The following SRRM3 variants were observed in gnomAD, a reference collection of about 807,000 sequenced individuals.
The protein encoded by SRRM3 is serine/arginine repetitive matrix protein 3.
In SRRM3, 27 loss-of-function variants were observed where a neutral mutation model predicts 66.2. That is an observed-to-expected ratio of 0.41 (90% CI 0.30 to 0.56). The LOEUF is 0.56. SRRM3 is among the 20% of genes least tolerant of loss of function. The pLI is 0.32. For synonymous variants in SRRM3, 391 were observed against 414.9 expected (o/e 0.94, Z 0.70); for missense variants, 918 against 991.9 (o/e 0.93, Z 1.00).
intron 1 of SRRM3, among the ~76,000 whole-genome samples, chr7:76,216,966 G>A (rs1018772189): frequency 1.3e-5 from 2 of 152,188 alleles, no homozygotes; most frequent in Admixed American, 6.5e-5. Context: ...CTTGATTGGA[G>A]CTGAGTCAAT....
intron 3 of SRRM3, among the ~76,000 whole-genome samples, chr7:76,258,568 G>C (rs1185993562): frequency 2.0e-5 from 3 of 151,578 alleles, no homozygotes; most frequent in Non-Finnish European, 2.9e-5. Context: ...CAAAAAATTA[G>C]CTGGGCGTGG....
chr7:76,222,841 C>T (rs1800760638), intron 1 of SRRM3, among the ~76,000 whole-genome samples: 1 of 152,018 alleles, frequency 6.6e-6, no homozygotes, highest in South Asian at 2.1e-4. Context: ...GTCTCGAACT[C>T]CTGACCTCCA....
chr7:76,248,709 T>C (rs1197603907), intron 3 of SRRM3, among the ~76,000 whole-genome samples: 1 of 152,206 alleles, frequency 6.6e-6, no homozygotes, highest in Non-Finnish European at 1.5e-5. Context: ...CAGGGTACAG[T>C]GGCTCAAGCC....
chr7:76,204,741 T>C (rs1800253545), intron 1 of SRRM3, among the ~76,000 whole-genome samples: 1 of 152,094 alleles, frequency 6.6e-6, no homozygotes, highest in Non-Finnish European at 1.5e-5. Context: ...AAGGGGTCCC[T>C]TCCCACCTCT....
intron 1 of SRRM3, among the ~76,000 whole-genome samples, chr7:76,206,855 G>A (rs1800312944): frequency 1.3e-5 from 2 of 152,212 alleles, no homozygotes; most frequent in African/African-American, 4.8e-5. Context: ...TGCAGAGGCT[G>A]CTGTGCCGGC....
At chr7:76,202,572 G>GTCT (rs1800179239) in intron 1 of SRRM3, among the ~76,000 whole-genome samples, 1 of 152,170 alleles carries the variant, frequency 6.6e-6, no homozygotes, top group Non-Finnish European at 1.5e-5. Flanking sequence ...CTGGCAAGGA[G>GTCT]AACTGGGTCT....
chr7:76,227,160 G>A (rs2116977660), intron 1 of SRRM3, among the ~76,000 whole-genome samples: 1 of 143,634 alleles, frequency 7.0e-6, no homozygotes, highest in South Asian at 2.4e-4. Context: ...CAGCCAATCA[G>A]TGGTAGGGTA....
chr7:76,258,395 T>C (rs1554608040), intron 3 of SRRM3, among the ~76,000 whole-genome samples: 1 of 151,966 alleles, frequency 6.6e-6, no homozygotes, highest in East Asian at 1.9e-4. Flanking sequence ...AGGGCGGAGA[T>C]AGGCCAGGAG....
intron 11 of SRRM3, among the ~76,000 whole-genome samples, chr7:76,272,132 C>T (rs188032772): frequency 5.1e-4 from 77 of 152,320 alleles, no homozygotes; most frequent in African/African-American, 1.8e-3. Flanking sequence ...CAGCCCCCAC[C>T]AGCACAACCT....
intron 1 of SRRM3, among the ~76,000 whole-genome samples, chr7:76,229,084 G>A (rs782577348): frequency 4.0e-5 from 6 of 151,830 alleles, no homozygotes; most frequent in Non-Finnish European, 8.8e-5. Flanking sequence ...ATATTTAGTA[G>A]AGACAGGGTT....
Position 76,235,291 on chromosome 7 carries a change from G to C in SRRM3, c.225G>C (p.Glu75Asp). Residue 75 changes from glutamate to aspartate, a missense_variant, in exon 2 of 15, where the codon GAG becomes GAC. By Grantham distance (45) the Glu-to-Asp change is conservative (BLOSUM62 2). Coordinates refer to ENST00000611745, the MANE Select transcript of SRRM3 (RefSeq NM_001110199.3). Reference protein sequence around the residue: ...LKCMELQEMMEEQGYSEEEIR... With the variant: ...LKCMELQEMMDEQGYSEEEIR... The stretch of plus-strand genomic sequence containing the variant: ...GCATGGAGCTGCAGGAGATGATGGA[G>C]GAGCAGGGGTGAGCAGGCCGCGGGG... 1 of 1,518,582 alleles carries C rather than the reference G, an allele frequency of 6.6e-7. No homozygotes were observed. The highest frequency in any genetic ancestry group is 1.4e-5 in the African/African-American group (1 of 71,638). The allele number at this position is 1,518,582 out of a possible 1,614,324, so 94.1% of individuals were successfully genotyped here.
chr7:76,231,524 G>A (rs1419269901), intron 1 of SRRM3, among the ~76,000 whole-genome samples: 1 of 152,242 alleles, frequency 6.6e-6, no homozygotes, highest in Non-Finnish European at 1.5e-5. Flanking sequence ...AGGTCAGAGG[G>A]AAGATGTGCG....
intron 11 of SRRM3, among the ~76,000 whole-genome samples, chr7:76,275,497 C>CAAAAAAA (rs35985626): frequency 2.8e-5 from 2 of 70,910 alleles, no homozygotes; most frequent in African/African-American, 4.7e-5. Flanking sequence ...CCTGCTCCCT[C>CAAAAAAA]AAAAAAAAAA....
intron 1 of SRRM3, among the ~76,000 whole-genome samples, chr7:76,228,423 G>A (rs944846737): frequency 1.2e-4 from 19 of 152,100 alleles, no homozygotes; most frequent in Middle Eastern, 3.4e-3. Context: ...CTCTGGGGGC[G>A]AAGTCAACAA....
At chr7:76,234,163 G>A (rs1801081866) in intron 1 of SRRM3, among the ~76,000 whole-genome samples, 1 of 150,726 alleles carries the variant, frequency 6.6e-6, no homozygotes, top group Non-Finnish European at 1.5e-5. Flanking sequence ...CTCAAGAGGT[G>A]CCTCCCCTCT....
At chr7:76,283,796 T>C in intron 14 of SRRM3, 3 of 985,442 alleles carry the variant, frequency 3.0e-6, no homozygotes, top group Non-Finnish European at 3.6e-6. Flanking sequence ...TATCAGTTTC[T>C]CTGCTAGGAC....
At chr7:76,265,616 C>A (rs1801989584) in intron 10 of SRRM3, 148 bp downstream of exon 10, 4 of 623,834 alleles carry the variant, frequency 6.4e-6, no homozygotes, top group Non-Finnish European at 7.7e-6. Context: ...GGTGTGGTGG[C>A]TCACTGCTGT....
chr7:76,235,924 T>C (rs1801134787), intron 2 of SRRM3, among the ~76,000 whole-genome samples: 1 of 144,546 alleles, frequency 6.9e-6, no homozygotes, highest in African/African-American at 2.6e-5. Context: ...GAGAATTTCT[T>C]GAACCCAGGA....
chr7:76,265,853 TA>T (rs1166695433), intron 10 of SRRM3, among the ~76,000 whole-genome samples: 947 of 11,790 alleles, frequency 0.08, 57 homozygotes, highest in East Asian at 0.22. Flanking sequence ...TATATATATA[TA>T]TATATTTTTT....
Sources: gnomAD v4.1 joint callset for allele counts (sites outside exome capture counted in the v4.1 genomes callset) on GRCh38, gnomAD v4.1.1 for gene constraint, MANE v1.5 for transcripts, NCBI Gene and HGNC (gene_info 2026-07-23, HGNC 2026-07-21) for gene names.